Variants in NPAS3 observed in about 807,000 individuals in gnomAD.
NPAS3 encodes the protein neuronal PAS domain-containing protein 3.
A neutral mutation model predicts 73.1 loss-of-function variants in NPAS3; 14 were observed. The ratio of observed to expected loss-of-function variants is 0.19; its 90% CI spans 0.13 to 0.30. The LOEUF (loss-of-function observed/expected upper bound fraction) is 0.30, where lower values mean the gene tolerates loss of function less well. Ranked by LOEUF, NPAS3 falls within the 10% of genes least tolerant of loss-of-function variation. The pLI is 1.00. For missense variants in NPAS3, 1,096 were observed against 1,250.0 expected, an observed-to-expected ratio of 0.88 and a Z score of 1.86; for synonymous variants, 620 against 541.5, an observed-to-expected ratio of 1.14 and a Z score of -2.01.
intron 4 of NPAS3, among the ~76,000 whole-genome samples, chr14:33,393,928 CT>C (rs1331094264): frequency 6.6e-6 from 1 of 152,168 alleles, no homozygotes; most frequent in Non-Finnish European, 1.5e-5. Flanking sequence ...AGACTGTTGT[CT>C]ATATTATTAC....
chr14:33,361,349 A>C (rs1180851617), intron 3 of NPAS3, among the ~76,000 whole-genome samples: 1 of 152,242 alleles, frequency 6.6e-6, no homozygotes, highest in Admixed American at 6.5e-5. Flanking sequence ...ACATTTTCAA[A>C]AATCATATGA....
chr14:33,367,063 G>C, intron 3 of NPAS3, 123 bp from the exon 4 acceptor site: 1 of 478,614 alleles, frequency 2.1e-6, no homozygotes, highest in Non-Finnish European at 3.7e-6. Context: ...ATACTGGGTG[G>C]TGGTTCAGAT....
upstream of NPAS3, chr14:32,934,889 C>A: frequency 1.1e-6 from 1 of 870,996 alleles, no homozygotes; most frequent in Non-Finnish European, 1.4e-6. The surrounding 1 kb of genome is among the most constrained non-coding windows in gnomAD (Gnocchi z 4.1). Flanking sequence ...GTGACGGCCG[C>A]GGCGGCCGGC....
chr14:33,460,323 C>G (rs186878657), intron 4 of NPAS3, among the ~76,000 whole-genome samples: 2 of 152,146 alleles, frequency 1.3e-5, no homozygotes, highest in African/African-American at 4.8e-5. Flanking sequence ...ATTGCACAGC[C>G]GTGAGGCAAT....
chr14:32,985,020 A>G lies in NPAS3; in HGVS notation c.50+45654A>G, dbSNP rs535159654. Among the ~76,000 whole-genome samples, 16 of 152,350 alleles carry G rather than the reference A, an allele frequency of 1.1e-4. No individual in the cohort carries two copies. The South Asian group carries it at 2.9e-3, about 28-fold the overall frequency. On this transcript the variant is annotated intron_variant, in intron 1 of 11. Transcript: ENST00000356141. Reference sequence around the variant, plus strand: ...GGGTATAATGTGCATAAAAATATACATAATTTGAGAGCCAAATTATATGTA... The same window carrying G: ...GGGTATAATGTGCATAAAAATATACGTAATTTGAGAGCCAAATTATATGTA...
At chr14:33,073,944 G>A (rs1050940615) in intron 2 of NPAS3, among the ~76,000 whole-genome samples, 2 of 152,144 alleles carry the variant, frequency 1.3e-5, no homozygotes, top group Non-Finnish European at 2.9e-5. Flanking sequence ...AAGGGCTGTT[G>A]TGTGAACATG....
intron 9 of NPAS3, among the ~76,000 whole-genome samples, chr14:33,792,326 A>G (rs2063381255): frequency 6.6e-6 from 1 of 152,166 alleles, no homozygotes; most frequent in South Asian, 2.1e-4. Context: ...TGAAACACTC[A>G]TCAAAGTGAG....
intron 4 of NPAS3, among the ~76,000 whole-genome samples, chr14:33,523,022 T>C (rs2053625588): frequency 6.6e-6 from 1 of 152,142 alleles, no homozygotes; most frequent in Non-Finnish European, 1.5e-5. Context: ...ATGTGTCAAC[T>C]GAATTACACC....
chr14:33,550,193 T>C (rs1170245444), intron 4 of NPAS3, among the ~76,000 whole-genome samples: 1 of 152,116 alleles, frequency 6.6e-6, no homozygotes, highest in Non-Finnish European at 1.5e-5. Flanking sequence ...GGGTTTGTTT[T>C]GTTTTGTTTG....
In NPAS3 at chr14:32,969,622, A is replaced by G. The variant is rs1029796467; in HGVS notation, c.50+30256A>G. Among the ~76,000 whole-genome samples the G allele has an allele frequency of 2.3e-4, 35 of 152,256 alleles. 1 individual carries two copies. In the Middle Eastern group the frequency reaches 0.01, roughly 44 times the overall value. On this transcript the variant is annotated intron_variant, in intron 1 of 11. Transcript: ENST00000356141. ...GGCATTTAGTATATCAGACTGAAAA[A>G]CAGTTCTTAGGATAGAAGAACTAGA...
At chr14:33,278,370 G>C (rs936888285) in intron 3 of NPAS3, among the ~76,000 whole-genome samples, 1 of 152,160 alleles carries the variant, frequency 6.6e-6, no homozygotes, top group African/African-American at 2.4e-5. Context: ...TAAATGTGTA[G>C]AGAAGGATGA....
chr14:33,342,543 G>A (rs1188863712), intron 3 of NPAS3, among the ~76,000 whole-genome samples: 2 of 152,228 alleles, frequency 1.3e-5, no homozygotes, highest in Non-Finnish European at 2.9e-5. Flanking sequence ...CTGCTCTGCA[G>A]CAGGTCAGCT....
chr14:33,580,331 A>G (rs1043566113), intron 5 of NPAS3, among the ~76,000 whole-genome samples: 3 of 152,144 alleles, frequency 2.0e-5, no homozygotes, highest in African/African-American at 7.2e-5. Context: ...TATCTCTAAT[A>G]TGTTAGTAAA....
chr14:33,312,909 C>T (rs1189806498), intron 3 of NPAS3, among the ~76,000 whole-genome samples: 23 of 151,862 alleles, frequency 1.5e-4, no homozygotes, highest in Admixed American at 1.4e-3. Context: ...TATCATTGGT[C>T]GTTATATATA....
chr14:33,417,253 T>C (rs1261279988), intron 4 of NPAS3, among the ~76,000 whole-genome samples: 1 of 152,070 alleles, frequency 6.6e-6, no homozygotes, highest in African/African-American at 2.4e-5. Flanking sequence ...ATTTATGAAA[T>C]AGTAGTTTTG....
At chr14:33,517,257 C>T (rs181454958) in intron 4 of NPAS3, among the ~76,000 whole-genome samples, 13 of 152,118 alleles carry the variant, frequency 8.5e-5, no homozygotes, top group Admixed American at 2.0e-4. Flanking sequence ...TCCTAAAGCA[C>T]GGGTCATCAA....
At chr14:33,328,379 ATTTG>A (rs1190624587) in intron 3 of NPAS3, among the ~76,000 whole-genome samples, 5 of 99,624 alleles carry the variant, frequency 5.0e-5, no homozygotes, top group African/African-American at 2.0e-4. Flanking sequence ...AAATAATTTT[ATTTG>A]TTTTTCCTGT....
At chr14:33,320,274 C>T (rs1324626470) in intron 3 of NPAS3, among the ~76,000 whole-genome samples, 2 of 151,974 alleles carry the variant, frequency 1.3e-5, no homozygotes, top group Non-Finnish European at 2.9e-5. Flanking sequence ...GAATGACAGC[C>T]TTGAGAGGAT....
chr14:33,691,609 C>T (rs551189131), intron 6 of NPAS3, among the ~76,000 whole-genome samples: 1 of 152,314 alleles, frequency 6.6e-6, no homozygotes, highest in African/African-American at 2.4e-5. Flanking sequence ...TACCTCATAA[C>T]TAAGAATTCA....
Sources: gnomAD v4.1 joint callset for allele counts (sites outside exome capture counted in the v4.1 genomes callset) on GRCh38, gnomAD v4.1.1 for gene constraint, Gnocchi (gnomAD v3.1) non-coding constraint, MANE v1.5 for transcripts, NCBI Gene and HGNC (gene_info 2026-07-23, HGNC 2026-07-21) for gene names.